Variants in ECT2L observed in about 807,000 individuals in gnomAD.
The protein encoded by ECT2L is epithelial cell-transforming sequence 2 oncogene-like.
In ECT2L, 126 loss-of-function variants were observed where a neutral mutation model predicts 122.8. The observed-to-expected ratio is 1.03, with a 90% CI of 0.89 to 1.19. The LOEUF is 1.19. Ranked by LOEUF, ECT2L falls within the 50% of genes most tolerant of loss-of-function variation. The probability of loss-of-function intolerance (pLI) is 0.00; values close to 1 mark genes in which losing one functional copy is unlikely to be tolerated. For missense variants in ECT2L, 1,012 were observed against 1,064.1 expected, an observed-to-expected ratio of 0.95 and a Z score of 0.68; for synonymous variants, 385 against 381.8, an observed-to-expected ratio of 1.01 and a Z score of -0.10.
chr6:138,804,498 C>G (rs993251111), intron 1 of ECT2L, among the ~76,000 whole-genome samples: 2 of 152,198 alleles, frequency 1.3e-5, no homozygotes, highest in South Asian at 2.1e-4. Context: ...TCTAGAAACA[C>G]AGCTCCCTTC....
At chr6:138,882,513 G>A (rs1248946306) in intron 15 of ECT2L, among the ~76,000 whole-genome samples, 1 of 152,180 alleles carries the variant, frequency 6.6e-6, no homozygotes, top group Non-Finnish European at 1.5e-5. Context: ...GAGGTGAAGA[G>A]GTGGGATTCC....
At position 138,843,205 on chromosome 6, in the gene ECT2L, T is replaced by G. The variant is rs772880442; in HGVS notation, c.569T>G (p.Ile190Ser). The stretch of plus-strand genomic sequence containing the variant: ...AGAGAAAAGTGCCTGAGGAAAAGAA[T>G]TTGGGAGAAAATTGCACTACGTAAG... ...RQREKCLRKR[I>S]WEKIALRKKE... Residue 190 changes from isoleucine (I) to serine (S), a missense_variant, in exon 6 of 22, where the codon ATT (isoleucine) becomes AGT (serine). Coordinates refer to ENST00000541398, the MANE Select transcript of ECT2L (RefSeq NM_001077706.3). 6.2e-7 allele frequency: 1 copy of G among 1,609,006 alleles called. No individual in the cohort carries two copies. Among genetic ancestry groups the G allele is most frequent in the Admixed American group, 1.7e-5 (1 of 59,030 alleles).
intron 13 of ECT2L, among the ~76,000 whole-genome samples, chr6:138,868,413 T>C (rs1039298846): frequency 6.6e-6 from 1 of 152,044 alleles, no homozygotes; most frequent in Non-Finnish European, 1.5e-5. Flanking sequence ...GAAAATCTTC[T>C]AGGTTATTTA....
chr6:138,804,781 G>T (rs1262814654), intron 1 of ECT2L, among the ~76,000 whole-genome samples: 1 of 152,142 alleles, frequency 6.6e-6, no homozygotes, highest in Non-Finnish European at 1.5e-5. Flanking sequence ...TCTTCATAAA[G>T]TTGGCACTCT....
chr6:138,879,744 A>T (rs1001563761), intron 14 of ECT2L, among the ~76,000 whole-genome samples: 3 of 152,050 alleles, frequency 2.0e-5, no homozygotes, highest in Non-Finnish European at 2.9e-5. Flanking sequence ...CACAAGGTCA[A>T]GAGATCGAGA....
At chr6:138,849,783 G>A (rs905706727) in intron 9 of ECT2L, among the ~76,000 whole-genome samples, 1 of 152,000 alleles carries the variant, frequency 6.6e-6, no homozygotes, top group African/African-American at 2.4e-5. Flanking sequence ...TGCCCATGCT[G>A]GTCCCAAACT....
At chr6:138,840,240 G>A (rs915042867) in intron 5 of ECT2L, among the ~76,000 whole-genome samples, 12 of 152,134 alleles carry the variant, frequency 7.9e-5, no homozygotes, top group Non-Finnish European at 1.8e-4. Context: ...TTGCTGTCTT[G>A]GGGGTGGCAG....
At chr6:138,885,138 T>C (rs1233105717) in intron 16 of ECT2L, among the ~76,000 whole-genome samples, 2 of 151,164 alleles carry the variant, frequency 1.3e-5, no homozygotes, top group African/African-American at 2.4e-5. Context: ...ATGCCATTCT[T>C]CTGCCTCAGC....
chr6:138,849,817 G>C (rs1336428518), intron 9 of ECT2L, among the ~76,000 whole-genome samples: 1 of 152,068 alleles, frequency 6.6e-6, no homozygotes, highest in African/African-American at 2.4e-5. Flanking sequence ...GCCTCTCAAA[G>C]GGCTGGGATT....
intron 14 of ECT2L, among the ~76,000 whole-genome samples, chr6:138,878,493 C>A (rs1380266881): frequency 6.6e-6 from 1 of 152,302 alleles, no homozygotes; most frequent in South Asian, 2.1e-4. Context: ...GTTGCCCAGG[C>A]TGGAGTGCGG....
At chr6:138,894,651 T>G (rs1779151439) in intron 20 of ECT2L, among the ~76,000 whole-genome samples, 1 of 152,212 alleles carries the variant, frequency 6.6e-6, no homozygotes, top group African/African-American at 2.4e-5. Context: ...TCACCCATTA[T>G]CTTCACATAC....
chr6:138,881,246 C>A, intron 15 of ECT2L, 75 bp downstream of exon 15: 1 of 1,436,428 alleles, frequency 7.0e-7, no homozygotes, highest in Non-Finnish European at 9.5e-7. Flanking sequence ...GTTTCAAAAG[C>A]AGTATGGAGG....
At chr6:138,813,422 A>G (rs990474375) in intron 3 of ECT2L, 82 bp downstream of exon 3, 1 of 1,009,868 alleles carries the variant, frequency 9.9e-7, no homozygotes. Context: ...ATGTTGCCAC[A>G]TTTTTAAAGA....
chr6:138,874,972 C>T (rs1778389450), intron 13 of ECT2L, among the ~76,000 whole-genome samples: 1 of 152,120 alleles, frequency 6.6e-6, no homozygotes, highest in Admixed American at 6.5e-5. Context: ...CCTGTAGTCC[C>T]AGCTACTTGG....
intron 16 of ECT2L, among the ~76,000 whole-genome samples, chr6:138,883,870 G>T (rs1198124058): frequency 1.3e-5 from 2 of 152,044 alleles, no homozygotes; most frequent in African/African-American, 4.8e-5. Flanking sequence ...TTTGGTTGTG[G>T]GGTTTGTTTT....
Position 138,900,949 on chromosome 6 carries a change from C to G in ECT2L, c.2416C>G (p.Leu806Val). Residue 806 changes from leucine to valine, a missense_variant and splice_region_variant, in exon 21 of 22, where the codon CTC (leucine) becomes GTC (valine). Coordinates refer to ENST00000541398, the MANE Select transcript of ECT2L (RefSeq NM_001077706.3). ...CDEEISFSLR[L>V]YEHIHDLSLF... Reference sequence around the variant, plus strand: ...TGTACCTTCTCCATTTTAACACAGGCTCTATGAACACATCCATGATCTCAG... The same window carrying G: ...TGTACCTTCTCCATTTTAACACAGGGTCTATGAACACATCCATGATCTCAG... 6.2e-7 allele frequency: 1 copy of G among 1,613,336 alleles called. No homozygotes were observed.
chr6:138,899,652 T>C (rs552264339), intron 20 of ECT2L, among the ~76,000 whole-genome samples: 1 of 152,214 alleles, frequency 6.6e-6, no homozygotes, highest in Non-Finnish European at 1.5e-5. Context: ...AATTTAAAAA[T>C]TAAACAAAAA....
chr6:138,879,143 A>G, intron 14 of ECT2L: 1 of 222,084 alleles, frequency 4.5e-6, no homozygotes, highest in Non-Finnish European at 9.2e-6. Context: ...TGGCCATCTG[A>G]CAAATTGGAA....
Position 138,885,528 on chromosome 6 carries a change from T to C in ECT2L, c.2051T>C (p.Phe684Ser). The change falls in exon 17 of 22, where the codon TTC becomes TCC. Residue 684 changes from phenylalanine to serine, a missense_variant. By Grantham distance (155) the Phe-to-Ser change is radical. Coordinates refer to ENST00000541398, the MANE Select transcript of ECT2L (RefSeq NM_001077706.3). ...IEKCREMIPAFRTFLKRHDKT... is the reference protein window; with the variant it reads ...IEKCREMIPASRTFLKRHDKT... ...TAGTGCAGAGAAATGATACCAGCAT[T>C]CCGAACTTTCCTGAAGAGGCATGAT... The C allele has an allele frequency of 6.2e-7, 1 of 1,614,152 alleles. No individual in the cohort carries two copies. The highest frequency in any genetic ancestry group is 8.5e-7 in the Non-Finnish European group (1 of 1,180,014).
Sources: allele counts gnomAD v4.1 joint callset (sites outside exome capture counted in the v4.1 genomes callset), GRCh38; gene constraint gnomAD v4.1.1; transcripts MANE v1.5; gene names NCBI Gene and HGNC (gene_info 2026-07-23, HGNC 2026-07-21).